The following TENM2 variants were observed in gnomAD, a reference collection of about 807,000 sequenced individuals.
TENM2 encodes teneurin transmembrane protein 2.
TENM2 carries 52 observed loss-of-function variants against 245.2 expected under a neutral mutation model. The observed-to-expected ratio is 0.21, with a 90% CI of 0.17 to 0.27. The LOEUF is 0.27. Ranked by LOEUF, TENM2 falls within the 10% of genes least tolerant of loss-of-function variation. The probability of loss-of-function intolerance (pLI) is 1.00; values close to 1 mark genes in which losing one functional copy is unlikely to be tolerated. For missense variants in TENM2, 3,046 were observed against 3,666.8 expected, an observed-to-expected ratio of 0.83 and a Z score of 4.37; for synonymous variants, 1,363 against 1,438.9, an observed-to-expected ratio of 0.95 and a Z score of 1.19.
At chr5:167,632,448 G>A (rs944460131) in intron 2 of TENM2, among the ~76,000 whole-genome samples, 1 of 152,118 alleles carries the variant, frequency 6.6e-6, no homozygotes, top group East Asian at 1.9e-4. Flanking sequence ...ATTCTACTCA[G>A]CACTACATAT....
exon 18 of TENM2, chr5:168,203,821 A>G (rs532068597): frequency 3.8e-5 from 62 of 1,611,076 alleles, no homozygotes; most frequent in African/African-American, 1.2e-4. Flanking sequence ...CACATCCTCA[A>G]TGTTAAAAGT....
chr5:167,440,046 G>A (rs978608488), intron 2 of TENM2, among the ~76,000 whole-genome samples: 1 of 152,050 alleles, frequency 6.6e-6, no homozygotes, highest in Non-Finnish European at 1.5e-5. Flanking sequence ...GATTACCACA[G>A]TCTGATGTTT....
chr5:167,645,935 C>G (rs981870429), intron 2 of TENM2, among the ~76,000 whole-genome samples: 2 of 151,522 alleles, frequency 1.3e-5, no homozygotes, highest in African/African-American at 4.8e-5. Flanking sequence ...ACTTTTTAAA[C>G]TACACTTGTG....
At chr5:167,792,569 A>G (rs947865599) in intron 2 of TENM2, among the ~76,000 whole-genome samples, 9 of 152,012 alleles carry the variant, frequency 5.9e-5, no homozygotes, top group Admixed American at 2.6e-4. Flanking sequence ...ACTGACTATA[A>G]TAGCTCCTCG....
chr5:167,267,917 C>A, the TENM2 span, among the ~76,000 whole-genome samples: 2 of 150,156 alleles, frequency 1.3e-5, no homozygotes, highest in African/African-American at 2.5e-5. Context: ...TAAGGACAGG[C>A]AACAAAGAGT....
intron 2 of TENM2, among the ~76,000 whole-genome samples, chr5:167,479,823 A>G (rs1294734606): frequency 2.0e-5 from 3 of 152,190 alleles, no homozygotes; most frequent in African/African-American, 7.2e-5. Flanking sequence ...ATGTTTGGTG[A>G]AATGCAAAAT....
chr5:167,025,492 A>G, the TENM2 span, among the ~76,000 whole-genome samples: 1 of 152,218 alleles, frequency 6.6e-6, no homozygotes, highest in South Asian at 2.1e-4. Flanking sequence ...TAATTAAATA[A>G]AATTAAAAAC....
intron 2 of TENM2, among the ~76,000 whole-genome samples, chr5:167,764,516 G>C (rs183905268): frequency 2.0e-5 from 3 of 152,292 alleles, no homozygotes; most frequent in African/African-American, 4.8e-5. Flanking sequence ...TGATTTGTAA[G>C]CTCTGTGATC....
At chr5:168,040,479 G>A (rs1330207382) in intron 5 of TENM2, among the ~76,000 whole-genome samples, 3 of 152,282 alleles carry the variant, frequency 2.0e-5, no homozygotes, top group Non-Finnish European at 2.9e-5. Context: ...TCCCATTACC[G>A]TTAAAGGGAT....
At chr5:167,001,516 G>T in the TENM2 span, among the ~76,000 whole-genome samples, 13 of 151,214 alleles carry the variant, frequency 8.6e-5, no homozygotes, top group African/African-American at 3.2e-4. Flanking sequence ...GAAAAGAACA[G>T]TGTCTGAGAT....
chr5:167,816,222 A>G (rs1192247867), intron 2 of TENM2, among the ~76,000 whole-genome samples: 2 of 152,104 alleles, frequency 1.3e-5, no homozygotes, highest in Non-Finnish European at 2.9e-5. Flanking sequence ...TGTGGGGAAC[A>G]TGGAGCCACA....
intron 2 of TENM2, among the ~76,000 whole-genome samples, chr5:167,635,626 G>C (rs566713679): frequency 8.7e-6 from 1 of 115,374 alleles, no homozygotes; most frequent in African/African-American, 4.0e-5. Context: ...GCTATGATCA[G>C]TACAGTCTTT....
chr5:167,722,585 C>T, intron 2 of TENM2, among the ~76,000 whole-genome samples: 1 of 152,000 alleles, frequency 6.6e-6, no homozygotes, highest in East Asian at 1.9e-4. Flanking sequence ...ACCATCCTGG[C>T]CAACATGGTG....
chr5:167,081,007 TTA>T, the TENM2 span, among the ~76,000 whole-genome samples: 3 of 152,174 alleles, frequency 2.0e-5, no homozygotes, highest in Admixed American at 1.3e-4. Context: ...TACCATAATT[TTA>T]TGTTACTGAT....
chr5:168,118,632 T>G lies in TENM2; in HGVS notation c.2008+146T>G, dbSNP rs949182439. 7.3e-6 allele frequency: 4 copies of G among 551,610 alleles called. No homozygotes were observed. The African/African-American group carries it at 7.4e-5, about 10-fold the overall frequency. The allele number at this position is 551,610 out of a possible 1,614,324, so 34.2% of individuals were successfully genotyped here. A position where few individuals can be genotyped will look rare whatever the true frequency, so the allele number is the denominator to read the frequency against. On this transcript the variant is annotated intron_variant, in intron 10 of 28. Transcript: ENST00000518659. ...CAAAACAACTTCAAACTCCTTTGCTTTGATAAATTTCTTTGGTTGTAGAAC... is the reference window on the plus strand; with the variant it reads ...CAAAACAACTTCAAACTCCTTTGCTGTGATAAATTTCTTTGGTTGTAGAAC...
chr5:167,924,351 C>T (rs1029096395), intron 3 of TENM2, among the ~76,000 whole-genome samples: 4 of 152,216 alleles, frequency 2.6e-5, no homozygotes, highest in African/African-American at 9.6e-5. Context: ...AGGAACCATT[C>T]AGGCGAGTCA....
chr5:167,000,801 A>G, the TENM2 span, among the ~76,000 whole-genome samples: 1 of 152,218 alleles, frequency 6.6e-6, no homozygotes, highest in Admixed American at 6.5e-5. Context: ...TCCTAGCTCT[A>G]TTCGTAGAAA....
chr5:167,005,541 T>G, the TENM2 span, among the ~76,000 whole-genome samples: 2 of 151,804 alleles, frequency 1.3e-5, no homozygotes, highest in African/African-American at 2.4e-5. Flanking sequence ...AACTTTTAAC[T>G]CACAGAAATA....
intron 2 of TENM2, among the ~76,000 whole-genome samples, chr5:167,545,460 C>T (rs748138285): frequency 6.6e-6 from 1 of 152,138 alleles, no homozygotes; most frequent in Non-Finnish European, 1.5e-5. Flanking sequence ...GAAAGTCCAA[C>T]ATTAAAGGGC....
Sources: gnomAD v4.1 joint callset for allele counts (sites outside exome capture counted in the v4.1 genomes callset) on GRCh38, gnomAD v4.1.1 for gene constraint, MANE v1.5 for transcripts, NCBI Gene and HGNC (gene_info 2026-07-23, HGNC 2026-07-21) for gene names.